EFCAB5: variants seen among roughly 807,000 people sequenced by gnomAD.
The protein encoded by EFCAB5 is EF-hand calcium binding domain 5, also known as EF-hand calcium-binding domain-containing protein 5.
A neutral mutation model predicts 167.9 loss-of-function variants in EFCAB5; 131 were observed. The ratio of observed to expected loss-of-function variants is 0.78; its 90% CI spans 0.68 to 0.90. The LOEUF (loss-of-function observed/expected upper bound fraction) is 0.90. EFCAB5 is among the 40% of genes least tolerant of loss of function. EFCAB5 has a pLI of 0.00. For synonymous variants in EFCAB5, 574 were observed against 602.8 expected (o/e 0.95, Z 0.70); for missense variants, 1,663 against 1,745.2 (o/e 0.95, Z 0.84).
At chr17:30,050,433 C>G (rs1013330673) in intron 8 of EFCAB5, among the ~76,000 whole-genome samples, 3 of 152,078 alleles carry the variant, frequency 2.0e-5, no homozygotes, top group Non-Finnish European at 4.4e-5. Flanking sequence ...CCGCGCCTGG[C>G]CTATATCAGG....
At chr17:29,947,106 A>G (rs2067417139) in intron 3 of EFCAB5, among the ~76,000 whole-genome samples, 1 of 151,446 alleles carries the variant, frequency 6.6e-6, no homozygotes, top group East Asian at 2.0e-4. Flanking sequence ...CCCAGGAGGC[A>G]GAGGTTGCAG....
intron 14 of EFCAB5, 25 bp downstream of exon 14, chr17:30,059,726 T>G (rs2070375070): frequency 6.5e-7 from 1 of 1,549,338 alleles, no homozygotes; most frequent in South Asian, 1.2e-5. Flanking sequence ...TGTTCTTATT[T>G]AAACTGTGGT....
chr17:29,995,668 C>A (rs2068529155), intron 5 of EFCAB5, among the ~76,000 whole-genome samples: 1 of 152,160 alleles, frequency 6.6e-6, no homozygotes, highest in Non-Finnish European at 1.5e-5. Context: ...ATTGTGTAAG[C>A]AGAGCCAACT....
chr17:29,957,867 G>A (rs1056341929), intron 3 of EFCAB5, among the ~76,000 whole-genome samples: 1 of 152,098 alleles, frequency 6.6e-6, no homozygotes, highest in Non-Finnish European at 1.5e-5. Flanking sequence ...TGGGATTGCT[G>A]GGTCAAATGG....
intron 4 of EFCAB5, among the ~76,000 whole-genome samples, chr17:29,976,325 C>T (rs2068063218): frequency 6.6e-6 from 1 of 152,078 alleles, no homozygotes; most frequent in Admixed American, 6.6e-5. Flanking sequence ...TCATTTGAGG[C>T]TTGGTAAAAG....
intron 8 of EFCAB5, among the ~76,000 whole-genome samples, chr17:30,044,988 C>T (rs2069880477): frequency 1.3e-5 from 2 of 152,168 alleles, no homozygotes; most frequent in African/African-American, 4.8e-5. Flanking sequence ...CAATGAACCA[C>T]TGATACAATA....
intron 4 of EFCAB5, among the ~76,000 whole-genome samples, chr17:29,984,792 C>T (rs555968454): frequency 6.6e-6 from 1 of 152,288 alleles, no homozygotes; most frequent in South Asian, 2.1e-4. Context: ...CCCTTCTGTA[C>T]TATTAAACTG....
At chr17:30,069,462 C>T in intron 14 of EFCAB5, 2 of 1,575,316 alleles carry the variant, frequency 1.3e-6, no homozygotes, top group South Asian at 2.2e-5. Flanking sequence ...CAACAGGAAG[C>T]TGAGATTGAT....
intron 1 of EFCAB5, among the ~76,000 whole-genome samples, chr17:29,935,322 G>T (rs2067236165): frequency 1.3e-5 from 2 of 152,160 alleles, no homozygotes; most frequent in Non-Finnish European, 2.9e-5. Flanking sequence ...ACTTTGGGAG[G>T]CTGAGGCAGG....
At chr17:29,931,968 A>G (rs866775834) in intron 1 of EFCAB5, among the ~76,000 whole-genome samples, 3 of 152,136 alleles carry the variant, frequency 2.0e-5, no homozygotes, top group African/African-American at 7.2e-5. Context: ...GAGCACTACC[A>G]TAGGAATCAG....
At chr17:30,018,777 A>G (rs1384861052) in intron 7 of EFCAB5, among the ~76,000 whole-genome samples, 1 of 152,074 alleles carries the variant, frequency 6.6e-6, no homozygotes, top group East Asian at 1.9e-4. Flanking sequence ...GTCATATTGA[A>G]TCTGTGTTCC....
At chr17:30,064,322 T>C (rs771670134) in intron 14 of EFCAB5, among the ~76,000 whole-genome samples, 24 of 152,008 alleles carry the variant, frequency 1.6e-4, no homozygotes, top group Non-Finnish European at 3.4e-4. Context: ...ATAGAAATCA[T>C]AAAAAAGAAG....
In EFCAB5 at chr17:30,107,964, C is replaced by G; in HGVS notation, c.4452C>G (p.Pro1484=). Residue 1484 remains proline, a synonymous_variant, in exon 23 of 23, where the codon CCC becomes CCG. Coordinates refer to ENST00000394835, the MANE Select transcript of EFCAB5 (RefSeq NM_198529.4). ...ATAGTGGTATTACACCTCCGTTGCC[C>G]TCCAAGACTGACAATTATATGTATG... ...QLNSGITPPL[P]SKTDNYMYAK... is the part of the protein sequence containing the mutation. 3.1e-6 allele frequency: 5 copies of G among 1,610,464 alleles called. No homozygotes were observed. Among genetic ancestry groups the G allele is most frequent in the Non-Finnish European group, 4.2e-6 (5 of 1,179,060 alleles).
chr17:29,996,442 A>G (rs1407440887), intron 6 of EFCAB5, 82 bp downstream of exon 6: 3 of 1,182,360 alleles, frequency 2.5e-6, no homozygotes, highest in Non-Finnish European at 3.6e-6. Flanking sequence ...AAGAGTCAAC[A>G]TGAGACAGAT....
intron 7 of EFCAB5, among the ~76,000 whole-genome samples, chr17:30,012,261 C>A (rs970237768): frequency 2.0e-5 from 3 of 152,176 alleles, no homozygotes; most frequent in Admixed American, 6.5e-5. Flanking sequence ...TACTCCTCCA[C>A]CTCTTGTGAA....
intron 5 of EFCAB5, 42 bp downstream of exon 5, chr17:29,993,363 G>C: frequency 6.3e-7 from 1 of 1,579,440 alleles, no homozygotes; most frequent in South Asian, 1.2e-5. Flanking sequence ...GGTGGGGTAA[G>C]TGGTAAAAGG....
chr17:29,986,916 G>A (rs546777981), intron 4 of EFCAB5, among the ~76,000 whole-genome samples: 25 of 152,078 alleles, frequency 1.6e-4, no homozygotes, highest in African/African-American at 5.3e-4. Flanking sequence ...CAAAGTGCTG[G>A]GATTACAGGC....
chr17:30,094,425 C>T (rs1178234125), intron 22 of EFCAB5, among the ~76,000 whole-genome samples: 2 of 145,570 alleles, frequency 1.4e-5, no homozygotes, highest in African/African-American at 5.1e-5. Flanking sequence ...AATCCCGACA[C>T]TTTGGGAGGC....
chr17:30,094,996 G>C (rs554992220), intron 22 of EFCAB5, among the ~76,000 whole-genome samples: 90 of 152,238 alleles, frequency 5.9e-4, no homozygotes, highest in African/African-American at 2.1e-3. Context: ...TTCATGACGT[G>C]ACCACCCTCT....
Sources: gnomAD v4.1 joint callset for allele counts (sites outside exome capture counted in the v4.1 genomes callset) on GRCh38, gnomAD v4.1.1 for gene constraint, MANE v1.5 for transcripts, NCBI Gene and HGNC (gene_info 2026-07-23, HGNC 2026-07-21) for gene names.